RERG: variants seen among roughly 807,000 people sequenced by gnomAD.
RERG encodes RAS like estrogen regulated growth inhibitor, also known as ras-related and estrogen-regulated growth inhibitor.
A neutral mutation model predicts 23.2 loss-of-function variants in RERG; 25 were observed. That is an observed-to-expected ratio of 1.08 (90% CI 0.79 to 1.50). The LOEUF is 1.50. Among genes scored for constraint, RERG ranks in the 40% most tolerant of loss-of-function variants. The pLI, the probability that RERG is intolerant of heterozygous loss-of-function variation, is 0.00. For missense variants in RERG, 253 were observed against 250.1 expected, an observed-to-expected ratio of 1.01 and a Z score of -0.08; for synonymous variants, 81 against 89.1, an observed-to-expected ratio of 0.91 and a Z score of 0.51.
intron 2 of RERG, among the ~76,000 whole-genome samples, chr12:15,175,353 GTGT>G (rs1864834936): frequency 6.7e-6 from 1 of 148,372 alleles, no homozygotes; most frequent in Non-Finnish European, 1.5e-5. Flanking sequence ...GTGTGTGTGT[GTGT>G]GTGTGTGTGT....
intron 2 of RERG, among the ~76,000 whole-genome samples, chr12:15,157,985 G>A (rs1864547527): frequency 6.6e-6 from 1 of 151,818 alleles, no homozygotes; most frequent in South Asian, 2.1e-4. Context: ...TTCTGTACCT[G>A]AGAATAAGTT....
At position 15,217,676 on chromosome 12, in the gene RERG, T is replaced by G; in HGVS notation, c.-114-73A>C. ...TAATATTTATTGAGCATCTACTATA[T>G]GCCAGCCACCATTCACTTTTTCAAC... On this transcript the variant is annotated intron_variant, in intron 1 of 4. Coordinates refer to ENST00000256953, the MANE Select transcript of RERG (RefSeq NM_032918.3). 2 of 544,764 alleles carry G rather than the reference T, an allele frequency of 3.7e-6. 1 individual carries two copies. The highest frequency in any genetic ancestry group is 4.5e-5 in the South Asian group (2 of 44,056). The allele number at this position is 544,764 out of a possible 1,614,324, so 33.7% of individuals were successfully genotyped here.
At chr12:15,123,585 T>G (rs1380790266) in intron 2 of RERG, among the ~76,000 whole-genome samples, 1 of 147,970 alleles carries the variant, frequency 6.8e-6, no homozygotes, top group Non-Finnish European at 1.5e-5. Context: ...TAATAAAATT[T>G]TATCCCAGTT....
At chr12:15,199,741 A>G (rs1865191908) in intron 2 of RERG, among the ~76,000 whole-genome samples, 2 of 152,166 alleles carry the variant, frequency 1.3e-5, no homozygotes, top group Middle Eastern at 3.4e-3. Context: ...TGAAAATTAT[A>G]CAATTTAATA....
chr12:15,131,695 A>T (rs1030202076), intron 2 of RERG, among the ~76,000 whole-genome samples: 44 of 152,082 alleles, frequency 2.9e-4, no homozygotes, highest in Non-Finnish European at 1.0e-4. Flanking sequence ...TGACCTCCTT[A>T]TACAGATCCT....
chr12:15,112,882 AG>A (rs750129109), intron 3 of RERG, among the ~76,000 whole-genome samples: 8 of 152,194 alleles, frequency 5.3e-5, no homozygotes, highest in Non-Finnish European at 1.2e-4. Flanking sequence ...TTAAGATCAA[AG>A]GAACTAGCAG....
intron 2 of RERG, among the ~76,000 whole-genome samples, chr12:15,209,972 T>C (rs1865345036): frequency 6.6e-6 from 1 of 152,220 alleles, no homozygotes; most frequent in Non-Finnish European, 1.5e-5. Flanking sequence ...ATGCTGAAAT[T>C]ATCTATTTCA....
At chr12:15,161,786 T>C (rs980848452) in intron 2 of RERG, among the ~76,000 whole-genome samples, 1 of 152,122 alleles carries the variant, frequency 6.6e-6, no homozygotes, top group Non-Finnish European at 1.5e-5. Context: ...ATAATAATAA[T>C]AAAACATATT....
intron 2 of RERG, among the ~76,000 whole-genome samples, chr12:15,196,564 T>C (rs1292313212): frequency 6.6e-6 from 1 of 152,146 alleles, no homozygotes; most frequent in African/African-American, 2.4e-5. Flanking sequence ...CTGTAGACCT[T>C]GCACCAAAAA....
chr12:15,166,506 T>TGGTGGTGAG (rs1864690678), intron 2 of RERG, among the ~76,000 whole-genome samples: 1 of 146,602 alleles, frequency 6.8e-6, no homozygotes, highest in Non-Finnish European at 1.5e-5. Flanking sequence ...ATGATGGGGA[T>TGGTGGTGAG]GGTGGTGATG....
intron 1 of RERG, among the ~76,000 whole-genome samples, chr12:15,220,236 G>A (rs1271564620): frequency 1.3e-5 from 2 of 152,206 alleles, no homozygotes; most frequent in African/African-American, 4.8e-5. Flanking sequence ...GAGTAGGGCT[G>A]AAATTTGCCA....
intron 2 of RERG, among the ~76,000 whole-genome samples, chr12:15,144,597 C>G (rs185949786): frequency 6.6e-6 from 1 of 152,176 alleles, no homozygotes; most frequent in Non-Finnish European, 1.5e-5. Context: ...ACGATGAGAA[C>G]TGGGAACTGG....
At chr12:15,145,819 C>A (rs572475341) in intron 2 of RERG, among the ~76,000 whole-genome samples, 1 of 152,276 alleles carries the variant, frequency 6.6e-6, no homozygotes, top group African/African-American at 2.4e-5. Flanking sequence ...GCTGAATTCA[C>A]GTAAAATGGA....
chr12:15,141,429 A>T (rs911261714), intron 2 of RERG, among the ~76,000 whole-genome samples: 4 of 152,094 alleles, frequency 2.6e-5, no homozygotes, highest in Non-Finnish European at 5.9e-5. Context: ...CATGAAACAC[A>T]TTCTTCCTTT....
At chr12:15,128,579 T>C (rs1355566084) in intron 2 of RERG, among the ~76,000 whole-genome samples, 1 of 152,226 alleles carries the variant, frequency 6.6e-6, no homozygotes, top group Non-Finnish European at 1.5e-5. Flanking sequence ...ATTGAAGTCC[T>C]GTTATGATGT....
intron 2 of RERG, among the ~76,000 whole-genome samples, chr12:15,160,243 T>C (rs1209331737): frequency 6.6e-6 from 1 of 152,140 alleles, no homozygotes; most frequent in Non-Finnish European, 1.5e-5. Context: ...TTAGATTGTG[T>C]ATATTTCACG....
At chr12:15,168,763 A>G (rs563472269) in intron 2 of RERG, among the ~76,000 whole-genome samples, 1 of 152,336 alleles carries the variant, frequency 6.6e-6, no homozygotes, top group South Asian at 2.1e-4. Context: ...CTGTAAAGGT[A>G]ATAAAATCAT....
intron 2 of RERG, among the ~76,000 whole-genome samples, chr12:15,178,351 T>C (rs7975571): frequency 0.067 from 10,221 of 152,166 alleles, 1,153 homozygotes; most frequent in African/African-American, 0.23. Context: ...TGAGCCTCTG[T>C]TAAAAATATG....
chr12:15,171,256 C>T (rs1864774445), intron 2 of RERG, among the ~76,000 whole-genome samples: 1 of 152,206 alleles, frequency 6.6e-6, no homozygotes, highest in Non-Finnish European at 1.5e-5. Context: ...TTTTACTCCG[C>T]CTTGTGGTCT....
Sources: gnomAD v4.1 joint callset for allele counts (sites outside exome capture counted in the v4.1 genomes callset) on GRCh38, gnomAD v4.1.1 for gene constraint, MANE v1.5 for transcripts, NCBI Gene and HGNC (gene_info 2026-07-23, HGNC 2026-07-21) for gene names.